CHUK: variants seen among roughly 807,000 people sequenced by gnomAD.
CHUK encodes component of inhibitor of nuclear factor kappa B kinase complex.
CHUK carries 35 observed loss-of-function variants against 104.8 expected under a neutral mutation model. The observed-to-expected ratio is 0.33, with a 90% CI of 0.26 to 0.44. The LOEUF (loss-of-function observed/expected upper bound fraction) is 0.44. Among genes scored for constraint, CHUK ranks in the 20% least tolerant of loss-of-function variants. The pLI, the probability that CHUK is intolerant of heterozygous loss-of-function variation, is 1.00. For synonymous variants in CHUK, 276 were observed against 291.9 expected, an observed-to-expected ratio of 0.95 and a Z score of 0.56; for missense variants, 663 against 902.7, an observed-to-expected ratio of 0.73 and a Z score of 3.40.
At chr10:100,198,306 T>G (rs1013733423) in intron 16 of CHUK, among the ~76,000 whole-genome samples, 6 of 152,200 alleles carry the variant, frequency 3.9e-5, no homozygotes, top group Non-Finnish European at 5.9e-5. Flanking sequence ...AGAAACACTT[T>G]ATGAGTACTT....
At chr10:100,225,710 C>G (rs1333001014) in intron 2 of CHUK, among the ~76,000 whole-genome samples, 1 of 152,126 alleles carries the variant, frequency 6.6e-6, no homozygotes, top group East Asian at 1.9e-4. Context: ...TTTACATTCC[C>G]ACCAACAGTG....
At chr10:100,209,065 GAGTA>G (rs1845659574) in intron 10 of CHUK, among the ~76,000 whole-genome samples, 1 of 152,182 alleles carries the variant, frequency 6.6e-6, no homozygotes, top group East Asian at 1.9e-4. Context: ...GACCCATTTA[GAGTA>G]AGTAAATTTA....
chr10:100,213,486 C>CAA (rs112195586), intron 9 of CHUK, among the ~76,000 whole-genome samples: 12 of 125,906 alleles, frequency 9.5e-5, no homozygotes, highest in East Asian at 4.6e-4. Context: ...ACTCTTATCT[C>CAA]AAAAAAAAAA....
chr10:100,226,040 G>C, intron 1 of CHUK, 23 bp from the exon 2 acceptor site: 5 of 1,307,994 alleles, frequency 3.8e-6, no homozygotes, highest in Non-Finnish European at 5.4e-6. Flanking sequence ...AAAATCAACA[G>C]AAAAAAAAAA....
rs376623757 is a variant in CHUK, at chr10:100,218,707, A to C, written c.797+11T>G. ...AACTGAGGCAAACTTCCTTAACTAA[A>C]ATATACTTACCTACAAAGGCTATTT... On this transcript the variant is annotated intron_variant, in intron 8 of 20. Transcript: ENST00000370397. 9 of 1,578,182 alleles carry C rather than the reference A, an allele frequency of 5.7e-6. No individual in the cohort carries two copies. The highest frequency in any genetic ancestry group is 7.8e-6 in the Non-Finnish European group (9 of 1,147,456).
At chr10:100,208,796 A>AT (rs1564835895) in intron 10 of CHUK, among the ~76,000 whole-genome samples, 1 of 151,382 alleles carries the variant, frequency 6.6e-6, no homozygotes, top group Middle Eastern at 3.2e-3. Context: ...AAAAAAAAAA[A>AT]CTGGAAGAGC....
chr10:100,197,809 A>C (rs956210278), intron 16 of CHUK, among the ~76,000 whole-genome samples: 2 of 152,118 alleles, frequency 1.3e-5, no homozygotes, highest in Admixed American at 6.5e-5. Flanking sequence ...GATCACTTGA[A>C]CCCAGGGAGT....
chr10:100,200,616 G>A (rs1431526563), intron 15 of CHUK, 55 bp downstream of exon 15: 2 of 884,596 alleles, frequency 2.3e-6, no homozygotes, highest in Non-Finnish European at 3.9e-6. Flanking sequence ...GATGTAAGCA[G>A]AAAGAATACA....
Position 100,222,932 on chromosome 10 carries a change from C to A in CHUK, c.249G>T (p.Leu83Phe). 6.2e-7 allele frequency: 1 copy of A among 1,609,554 alleles called. No homozygotes were observed. The highest frequency in any genetic ancestry group is 1.1e-5 in the South Asian group (1 of 90,960). ...GAGGCACATCATGAATCAAAATATTCAATTCTTCAGGAACATCACAGGCCT... is the reference window on the plus strand; with the variant it reads ...GAGGCACATCATGAATCAAAATATTAAATTCTTCAGGAACATCACAGGCCT... ...VVKACDVPEE[L>F]NILIHDVPLL... Residue 83 changes from leucine to phenylalanine, a missense_variant, in exon 3 of 21, where the codon TTG becomes TTT. By Grantham distance (22) the Leu-to-Phe change is conservative. Transcript: ENST00000370397.
At chr10:100,219,442 G>T in intron 5 of CHUK, 83 bp from the exon 6 acceptor site, 1 of 831,568 alleles carries the variant, frequency 1.2e-6, no homozygotes, top group Non-Finnish European at 2.1e-6. Flanking sequence ...CGAGGCTGTA[G>T]ACAGGGTAGT....
chr10:100,219,260 C>T lies in CHUK; in HGVS notation c.564+10G>A. The T allele has an allele frequency of 6.3e-7, 1 of 1,575,296 alleles. No homozygotes were observed. The highest frequency in any genetic ancestry group is 8.7e-7 in the Non-Finnish European group (1 of 1,144,658). Reference sequence around the variant, plus strand: ...CACACTTAAATTCAAAGAAACAAAACAGGTCTCACCAGATACTGCAGTGTT... The same window carrying T: ...CACACTTAAATTCAAAGAAACAAAATAGGTCTCACCAGATACTGCAGTGTT... On this transcript the variant is annotated intron_variant, in intron 6 of 20. Coordinates refer to ENST00000370397, the MANE Select transcript of CHUK (RefSeq NM_001278.5).
intron 11 of CHUK, among the ~76,000 whole-genome samples, chr10:100,206,920 C>T (rs542975596): frequency 6.6e-6 from 1 of 152,262 alleles, no homozygotes; most frequent in East Asian, 1.9e-4. Context: ...AATACTTGAA[C>T]ATGCTTAGAC....
chr10:100,214,809 C>A (rs1011382170), intron 9 of CHUK, among the ~76,000 whole-genome samples: 4 of 152,096 alleles, frequency 2.6e-5, no homozygotes, highest in Non-Finnish European at 5.9e-5. Context: ...TTAAGATATT[C>A]AAAAGATAAA....
At chr10:100,202,007 T>C in intron 14 of CHUK, 81 bp downstream of exon 14, 1 of 1,067,872 alleles carries the variant, frequency 9.4e-7, no homozygotes. Context: ...AAAAATGCTC[T>C]TTATATATCA....
chr10:100,203,402 T>A (rs1303189521), intron 13 of CHUK, among the ~76,000 whole-genome samples: 1 of 151,448 alleles, frequency 6.6e-6, no homozygotes, highest in African/African-American at 2.4e-5. Context: ...CACCAGAATG[T>A]CAATAATATA....
Position 100,189,635 on chromosome 10 carries a change from C to G in CHUK, c.2209-8G>C, listed in dbSNP as rs1021191263. 3 of 1,609,222 alleles carry G rather than the reference C, an allele frequency of 1.9e-6. No individual in the cohort carries two copies. The highest frequency in any genetic ancestry group is 1.7e-5 in the Admixed American group (1 of 59,994). On this transcript the variant is annotated splice_polypyrimidine_tract_variant and splice_region_variant and intron_variant, in intron 20 of 20. Transcript: ENST00000370397. ...CCAACTCCAATCAAGATTCTAAAAC[C>G]AGGCATGAAAAAGTTACAATTAGAT... is the stretch of plus-strand genomic sequence containing the variant.
chr10:100,192,119 A>G lies in CHUK; in HGVS notation c.2109-1151T>C, dbSNP rs137863328. Among the ~76,000 whole-genome samples the G allele has an allele frequency of 1.4e-3, 213 of 152,344 alleles. 3 individuals are homozygous for G. Among genetic ancestry groups the G allele is most frequent in the African/African-American group, 4.6e-3 (191 of 41,570 alleles). On this transcript the variant is annotated intron_variant, in intron 19 of 20. Transcript: ENST00000370397. ...GGCGACAGAATGAGACTCCGTCTCA[A>G]AACAAAATATAATGTGTTCCTTCTA...
chr10:100,209,327 G>A (rs556212067), intron 10 of CHUK, among the ~76,000 whole-genome samples: 10 of 152,222 alleles, frequency 6.6e-5, no homozygotes, highest in African/African-American at 1.4e-4. Flanking sequence ...TTATTGGGCC[G>A]CGAGAGTAAG....
intron 18 of CHUK, chr10:100,193,768 A>G (rs1845259812): frequency 3.2e-6 from 2 of 616,000 alleles, no homozygotes; most frequent in Non-Finnish European, 5.7e-6. Context: ...TCAAGGGCTA[A>G]GAGGAGTATA....
Sources: gnomAD v4.1 joint callset for allele counts (sites outside exome capture counted in the v4.1 genomes callset) on GRCh38, gnomAD v4.1.1 for gene constraint, MANE v1.5 for transcripts, NCBI Gene and HGNC (gene_info 2026-07-23, HGNC 2026-07-21) for gene names.